IGF2BP3: variants seen among roughly 807,000 people sequenced by gnomAD.
IGF2BP3 encodes insulin like growth factor 2 mRNA binding protein 3, also known as insulin-like growth factor 2 mRNA-binding protein 3.
A neutral mutation model predicts 73.8 loss-of-function variants in IGF2BP3; 9 were observed. The ratio of observed to expected loss-of-function variants is 0.12; its 90% CI spans 0.07 to 0.21. The LOEUF (loss-of-function observed/expected upper bound fraction) is 0.21. Ranked by LOEUF, IGF2BP3 falls within the 10% of genes least tolerant of loss-of-function variation. IGF2BP3 has a pLI of 1.00. For missense variants in IGF2BP3, 542 were observed against 714.0 expected (o/e 0.76, Z 2.75); for synonymous variants, 258 against 256.7 (o/e 1.01, Z -0.05).
rs561082148 is a variant in IGF2BP3, at chr7:23,330,241, A to ACACCATTG, written c.1204-10995_1204-10988dup. 2.0e-3 allele frequency among the ~76,000 whole-genome samples: 305 copies of ACACCATTG among 151,954 alleles called. 2 individuals are homozygous for ACACCATTG. Among genetic ancestry groups the ACACCATTG allele is most frequent in the African/African-American group, 7.2e-3 (299 of 41,482 alleles). ...GCGGAGGCTACAGTGAGCAGAGATC[A>ACACCATTG]CACCATTGCACTCCAGCCCGGGTGA... On this transcript the variant is annotated intron_variant, in intron 10 of 14. Coordinates refer to ENST00000258729, the MANE Select transcript of IGF2BP3 (RefSeq NM_006547.3).
intron 10 of IGF2BP3, among the ~76,000 whole-genome samples, chr7:23,320,559 G>A (rs1329193031): frequency 6.7e-6 from 1 of 149,938 alleles, no homozygotes; most frequent in East Asian, 2.0e-4. Flanking sequence ...ACACTTCCAA[G>A]GATAAGCTAG....
At chr7:23,366,331 T>A (rs1039560047) in intron 3 of IGF2BP3, among the ~76,000 whole-genome samples, 1 of 151,824 alleles carries the variant, frequency 6.6e-6, no homozygotes, top group African/African-American at 2.4e-5. Context: ...AGAGACGGGG[T>A]TTCACCATGT....
chr7:23,456,844 G>C (rs886165400), intron 2 of IGF2BP3, among the ~76,000 whole-genome samples: 1 of 152,128 alleles, frequency 6.6e-6, no homozygotes, highest in East Asian at 1.9e-4. Context: ...GGTCGAGATC[G>C]AGACCATCCT....
chr7:23,396,801 A>G (rs767381745), intron 3 of IGF2BP3, among the ~76,000 whole-genome samples: 5 of 152,242 alleles, frequency 3.3e-5, no homozygotes, highest in South Asian at 2.1e-4. Flanking sequence ...AGTACTTCAC[A>G]GTACTGGAGC....
At chr7:23,396,826 T>C (rs1786490160) in intron 3 of IGF2BP3, among the ~76,000 whole-genome samples, 1 of 152,162 alleles carries the variant, frequency 6.6e-6, no homozygotes, top group African/African-American at 2.4e-5. Flanking sequence ...AGCATGTGAA[T>C]TTCAGCCAAA....
At chr7:23,440,200 T>C (rs971762986) in intron 2 of IGF2BP3, among the ~76,000 whole-genome samples, 30 of 151,772 alleles carry the variant, frequency 2.0e-4, no homozygotes, top group Admixed American at 6.6e-5. Context: ...GAGGCAGAGG[T>C]TGCAGTGAGC....
chr7:23,343,508 T>C (rs1391921284), intron 9 of IGF2BP3, among the ~76,000 whole-genome samples: 2 of 152,210 alleles, frequency 1.3e-5, no homozygotes, highest in Non-Finnish European at 1.5e-5. Flanking sequence ...GCTCAAAGAC[T>C]GAATAATTTG....
rs369017304 is a variant in IGF2BP3 at position 23,349,651 on chromosome 7, A to C, written c.683+1654T>G. 3.2e-4 allele frequency among the ~76,000 whole-genome samples: 48 copies of C among 152,348 alleles called. No individual in the cohort carries two copies. The East Asian group carries it at 8.1e-3, about 26-fold the overall frequency. On this transcript the variant is annotated intron_variant, in intron 6 of 14. Transcript: ENST00000258729. ...CCATTCCAGAAACGAGGTTCTGATA[A>C]TGACTAATTTCAATGTCAAGAGTTA...
intron 10 of IGF2BP3, among the ~76,000 whole-genome samples, chr7:23,320,410 C>A (rs1271318447): frequency 6.6e-6 from 1 of 151,940 alleles, no homozygotes; most frequent in African/African-American, 2.4e-5. Flanking sequence ...TTCACAGTGA[C>A]TGGGCTCCTA....
chr7:23,422,848 T>A (rs1166176054), intron 2 of IGF2BP3, among the ~76,000 whole-genome samples: 1 of 152,092 alleles, frequency 6.6e-6, no homozygotes, highest in Non-Finnish European at 1.5e-5. Context: ...CAGGCTGGAG[T>A]ATAGTAGCGT....
chr7:23,359,184 G>A lies in IGF2BP3; in HGVS notation c.401+2350C>T, dbSNP rs546188650. On this transcript the variant is annotated intron_variant, in intron 5 of 14. Transcript: ENST00000258729. ...GTGTGTCTACATTCAGTTTGCTGTCGTGGTTAGGATTCTTTTCAGCAATAA... is the reference window on the plus strand; with the variant it reads ...GTGTGTCTACATTCAGTTTGCTGTCATGGTTAGGATTCTTTTCAGCAATAA... 7.2e-5 allele frequency among the ~76,000 whole-genome samples: 11 copies of A among 152,320 alleles called. 1 individual carries two copies. In the South Asian group the frequency reaches 8.3e-4, roughly 11 times the overall value.
At chr7:23,411,537 C>G (rs576764880) in intron 3 of IGF2BP3, among the ~76,000 whole-genome samples, 1 of 152,144 alleles carries the variant, frequency 6.6e-6, no homozygotes, top group Admixed American at 6.5e-5. Flanking sequence ...GCAGAGATCA[C>G]GCCACTGCAC....
At chr7:23,322,635 T>C (rs1363862411) in intron 10 of IGF2BP3, among the ~76,000 whole-genome samples, 2 of 151,882 alleles carry the variant, frequency 1.3e-5, no homozygotes, top group Non-Finnish European at 2.9e-5. Context: ...TCACCAAAGT[T>C]GAAATGAAGG....
At chr7:23,443,511 C>T (rs1359018115) in intron 2 of IGF2BP3, among the ~76,000 whole-genome samples, 2 of 151,462 alleles carry the variant, frequency 1.3e-5, no homozygotes, top group East Asian at 4.0e-4. Flanking sequence ...ACTGAAAACA[C>T]AAAAATTAGC....
intron 9 of IGF2BP3, 29 bp downstream of exon 9, chr7:23,343,689 A>G (rs761191832): frequency 1.8e-5 from 29 of 1,583,582 alleles, no homozygotes; most frequent in Admixed American, 3.3e-5. Context: ...TTGTTAAAAT[A>G]AAGACATGCC....
At chr7:23,329,976 T>C (rs1487582512) in intron 10 of IGF2BP3, among the ~76,000 whole-genome samples, 4 of 152,182 alleles carry the variant, frequency 2.6e-5, no homozygotes, top group South Asian at 2.1e-4. Context: ...TCAATGGGTA[T>C]AGATATGCTT....
intron 2 of IGF2BP3, among the ~76,000 whole-genome samples, chr7:23,465,528 C>CCG (rs1554338710): frequency 2.0e-5 from 3 of 151,994 alleles, no homozygotes; most frequent in South Asian, 2.1e-4. Flanking sequence ...AAGGGTCCCC[C>CCG]CCCAAGCTCC....
chr7:23,432,489 A>G (rs1787708624), intron 2 of IGF2BP3, among the ~76,000 whole-genome samples: 1 of 152,212 alleles, frequency 6.6e-6, no homozygotes, highest in South Asian at 2.1e-4. Flanking sequence ...CTAGAAGGGC[A>G]CGCACATCTT....
At chr7:23,389,971 G>C (rs917765752) in intron 3 of IGF2BP3, among the ~76,000 whole-genome samples, 9 of 152,084 alleles carry the variant, frequency 5.9e-5, no homozygotes, top group African/African-American at 1.7e-4. Context: ...GTGAGACCCT[G>C]TCTCTAAAAT....
Sources: allele counts gnomAD v4.1 joint callset (sites outside exome capture counted in the v4.1 genomes callset), GRCh38; gene constraint gnomAD v4.1.1; transcripts MANE v1.5; gene names NCBI Gene and HGNC (gene_info 2026-07-23, HGNC 2026-07-21).